The following FAM168A variants were observed in gnomAD, a reference collection of about 807,000 sequenced individuals.
The protein encoded by FAM168A is family with sequence similarity 168 member A, also known as protein FAM168A.
Under a neutral mutation model 28.5 loss-of-function variants are expected in FAM168A, and 3 were observed. That is an observed-to-expected ratio of 0.11 (90% CI 0.05 to 0.27). The LOEUF is 0.27. FAM168A is among the 10% of genes least tolerant of loss of function. FAM168A has a pLI of 1.00. For synonymous variants in FAM168A, 122 were observed against 124.2 expected (o/e 0.98, Z 0.12); for missense variants, 222 against 311.5 (o/e 0.71, Z 2.16).
At chr11:73,549,373 T>C (rs1257382137) in intron 1 of FAM168A, among the ~76,000 whole-genome samples, 1 of 152,234 alleles carries the variant, frequency 6.6e-6, no homozygotes, top group African/African-American at 2.4e-5. Flanking sequence ...GCTGTTTAAA[T>C]TCAAATTTAA....
At chr11:73,409,372 C>T in intron 6 of FAM168A, 115 bp downstream of exon 6, 2 of 1,360,860 alleles carry the variant, frequency 1.5e-6, no homozygotes, top group Non-Finnish European at 2.0e-6. Flanking sequence ...GTTCCCAAGC[C>T]CCCTGGCACA....
chr11:73,486,619 G>C (rs962669994), intron 1 of FAM168A, among the ~76,000 whole-genome samples: 1 of 152,130 alleles, frequency 6.6e-6, no homozygotes, highest in African/African-American at 2.4e-5. Context: ...AGCTTTTAGA[G>C]ATAAAATTAA....
chr11:73,413,579 A>G (rs904269626), intron 4 of FAM168A, among the ~76,000 whole-genome samples: 1 of 152,196 alleles, frequency 6.6e-6, no homozygotes, highest in African/African-American at 2.4e-5. Context: ...TTATCTATAA[A>G]ATAAAGGGGT....
intron 1 of FAM168A, among the ~76,000 whole-genome samples, chr11:73,552,982 A>G (rs1267700683): frequency 1.3e-5 from 2 of 152,178 alleles, no homozygotes; most frequent in Non-Finnish European, 2.9e-5. Context: ...CAATCAATAA[A>G]GGATGCATGA....
chr11:73,565,346 T>C (rs958189480), intron 1 of FAM168A, among the ~76,000 whole-genome samples: 1 of 152,192 alleles, frequency 6.6e-6, no homozygotes, highest in Non-Finnish European at 1.5e-5. Flanking sequence ...GTAAGCTAAA[T>C]TGAGACCACA....
chr11:73,491,004 G>A (rs1412756127), intron 1 of FAM168A, among the ~76,000 whole-genome samples: 1 of 152,140 alleles, frequency 6.6e-6, no homozygotes, highest in East Asian at 1.9e-4. Context: ...TGACTCAGAT[G>A]ATACACAGAT....
chr11:73,511,008 A>T (rs1590824420), intron 1 of FAM168A, among the ~76,000 whole-genome samples: 1 of 151,906 alleles, frequency 6.6e-6, no homozygotes, highest in Non-Finnish European at 1.5e-5. Context: ...CTCCACACAA[A>T]CCCTCCATTC....
At position 73,567,848 on chromosome 11, in the gene FAM168A, G is replaced by A. The variant is rs1944040080; in HGVS notation, c.-19+30075C>T. Among the ~76,000 whole-genome samples the A allele has an allele frequency of 2.0e-5, 3 of 152,148 alleles. No homozygotes were observed. In the South Asian group the frequency reaches 6.2e-4, roughly 32 times the overall value. Reference sequence around the variant, plus strand: ...TGAGGGCATCACCCCCGGACAACAAGATAGAAGGAGCCTGGATCTCTAGAT... The same window carrying A: ...TGAGGGCATCACCCCCGGACAACAAAATAGAAGGAGCCTGGATCTCTAGAT... On this transcript the variant is annotated intron_variant, in intron 1 of 7. Coordinates refer to ENST00000356467, the MANE Select transcript of FAM168A (RefSeq NM_015159.3).
At chr11:73,514,498 T>A (rs1000394093) in intron 1 of FAM168A, among the ~76,000 whole-genome samples, 31 of 152,142 alleles carry the variant, frequency 2.0e-4, no homozygotes, top group African/African-American at 6.5e-4. Flanking sequence ...AAAAAAACAA[T>A]CCCAGACTTC....
intron 1 of FAM168A, among the ~76,000 whole-genome samples, chr11:73,504,928 C>T (rs1050388442): frequency 6.6e-6 from 1 of 152,146 alleles, no homozygotes; most frequent in African/African-American, 2.4e-5. Context: ...ACTGCATGTT[C>T]TCACTCATAA....
chr11:73,584,930 A>G (rs1252571991), intron 1 of FAM168A, among the ~76,000 whole-genome samples: 3 of 152,104 alleles, frequency 2.0e-5, no homozygotes, highest in Non-Finnish European at 4.4e-5. Flanking sequence ...TGAGGCCAAC[A>G]GTTCAAGACC....
chr11:73,448,545 C>CT (rs1451888443), intron 2 of FAM168A, among the ~76,000 whole-genome samples: 7 of 152,212 alleles, frequency 4.6e-5, no homozygotes, highest in Admixed American at 3.9e-4. Flanking sequence ...TTTGCCCTTA[C>CT]CAAATGCTTT....
chr11:73,499,518 G>A lies in FAM168A; in HGVS notation c.-18-31026C>T, dbSNP rs187978852. On this transcript the variant is annotated intron_variant, in intron 1 of 7. Transcript: ENST00000356467. Reference sequence around the variant, plus strand: ...ATCAAGGGCACAGGACTGGACAGAGGATCAGATGGACGAATTGAGAGAAGT... The same window carrying A: ...ATCAAGGGCACAGGACTGGACAGAGAATCAGATGGACGAATTGAGAGAAGT... Among the ~76,000 whole-genome samples the A allele has an allele frequency of 2.8e-4, 42 of 152,264 alleles. 1 individual carries two copies. Among genetic ancestry groups the A allele is most frequent in the African/African-American group, 9.1e-4 (38 of 41,544 alleles).
At chr11:73,442,822 T>TTTTC (rs747153143) in intron 2 of FAM168A, among the ~76,000 whole-genome samples, 4,247 of 145,522 alleles carry the variant, frequency 0.029, 86 homozygotes, top group Non-Finnish European at 0.045. Flanking sequence ...CTTCTATTTC[T>TTTTC]TTTCTTTCTT....
intron 1 of FAM168A, among the ~76,000 whole-genome samples, chr11:73,490,667 C>T (rs1868115398): frequency 6.6e-6 from 1 of 152,168 alleles, no homozygotes; most frequent in Non-Finnish European, 1.5e-5. Flanking sequence ...CTCTCACTTA[C>T]TTCAGGTCTT....
At chr11:73,542,963 T>TA (rs1466139746) in intron 1 of FAM168A, among the ~76,000 whole-genome samples, 1 of 152,186 alleles carries the variant, frequency 6.6e-6, no homozygotes, top group East Asian at 1.9e-4. Context: ...AGTTAGTACT[T>TA]ACAGTTCTCT....
chr11:73,437,114 T>C lies in FAM168A; in HGVS notation c.71-6344A>G, dbSNP rs78610191. Among the ~76,000 whole-genome samples, 19 of 150,226 alleles carry C rather than the reference T, an allele frequency of 1.3e-4. 1 individual carries two copies. Among genetic ancestry groups the C allele is most frequent in the Non-Finnish European group, 7.4e-5 (5 of 67,906 alleles). ...TCTGCCAGCATACTTTTTTTTTTTTTCCAAGACGGAGTCTTGCTCTGTCTC... is the reference window on the plus strand; with the variant it reads ...TCTGCCAGCATACTTTTTTTTTTTTCCCAAGACGGAGTCTTGCTCTGTCTC... On this transcript the variant is annotated intron_variant, in intron 2 of 7. Transcript: ENST00000356467.
intron 1 of FAM168A, among the ~76,000 whole-genome samples, chr11:73,575,185 GCTTTGGAGC>G (rs1944157111): frequency 1.3e-5 from 2 of 152,278 alleles, no homozygotes; most frequent in South Asian, 4.1e-4. Context: ...ACTACGCCAT[GCTTTGGAGC>G]CTTTTAAAGA....
At chr11:73,535,547 G>A (rs1943568385) in intron 1 of FAM168A, among the ~76,000 whole-genome samples, 1 of 151,318 alleles carries the variant, frequency 6.6e-6, no homozygotes, top group African/African-American at 2.4e-5. Context: ...AGCCTCCCGA[G>A]TAGCTGGGAC....
Sources: allele counts gnomAD v4.1 joint callset (sites outside exome capture counted in the v4.1 genomes callset), GRCh38; gene constraint gnomAD v4.1.1; transcripts MANE v1.5; gene names NCBI Gene and HGNC (gene_info 2026-07-23, HGNC 2026-07-21).